The following ANKRD42 variants were observed in gnomAD, a reference collection of about 807,000 sequenced individuals.
ANKRD42 encodes the protein ankyrin repeat domain 42, also known as ankyrin repeat domain-containing protein 42.
Under a neutral mutation model 51.5 loss-of-function variants are expected in ANKRD42, and 43 were observed. The observed-to-expected ratio is 0.83, with a 90% confidence interval of 0.65 to 1.08. The LOEUF (loss-of-function observed/expected upper bound fraction) is 1.08, where lower values mean the gene tolerates loss of function less well. ANKRD42 is among the 50% of genes least tolerant of loss of function. The pLI is 0.00. For synonymous variants in ANKRD42, 203 were observed against 213.0 expected, an observed-to-expected ratio of 0.95 and a Z score of 0.41; for missense variants, 608 against 629.3, an observed-to-expected ratio of 0.97 and a Z score of 0.36.
At chr11:83,232,514 A>G (rs555654843) in intron 7 of ANKRD42, among the ~76,000 whole-genome samples, 2 of 152,290 alleles carry the variant, frequency 1.3e-5, no homozygotes, top group Admixed American at 1.3e-4. Context: ...AGGTTTTTCC[A>G]AATATAAGAT....
At chr11:83,252,300 G>C (rs1863688740), downstream of ANKRD42, among the ~76,000 whole-genome samples, 1 of 152,198 alleles carries the variant, frequency 6.6e-6, no homozygotes, top group African/African-American at 2.4e-5. Context: ...ATACACCAGT[G>C]GTGGCAGTGT....
chr11:83,244,741 A>G (rs534839310), intron 9 of ANKRD42, among the ~76,000 whole-genome samples: 2 of 152,358 alleles, frequency 1.3e-5, no homozygotes, highest in East Asian at 3.9e-4. Flanking sequence ...ATATCTCTCA[A>G]TGTACTTCCT....
At position 83,220,397 on chromosome 11, in the gene ANKRD42, T is replaced by C. The variant is rs116474716; in HGVS notation, c.587-4458T>C. On this transcript the variant is annotated intron_variant, in intron 5 of 10. Coordinates refer to ENST00000533342, the MANE Select transcript of ANKRD42 (RefSeq NM_001300975.2). ...AGAATAGCAAGTGAAAGAGGTCCGA[T>C]TGTATTCACCACGTGACGATCTAGA... Among the ~76,000 whole-genome samples, 304 of 152,248 alleles carry C rather than the reference T, an allele frequency of 2.0e-3. 4 individuals are homozygous for C. Among genetic ancestry groups the C allele is most frequent in the African/African-American group, 7.1e-3 (296 of 41,524 alleles).
chr11:83,230,704 A>G (rs1438846809), intron 7 of ANKRD42, among the ~76,000 whole-genome samples: 1 of 152,000 alleles, frequency 6.6e-6, no homozygotes, highest in Non-Finnish European at 1.5e-5. Context: ...CTCCTGCCTC[A>G]GCCTCCCGAG....
At chr11:83,209,370 G>A (rs949460414) in intron 3 of ANKRD42, 20 of 1,523,204 alleles carry the variant, frequency 1.3e-5, no homozygotes, top group African/African-American at 9.6e-5. Flanking sequence ...TTGGCAGCGC[G>A]GGGCTGCAGG....
At chr11:83,205,949 G>T in intron 2 of ANKRD42, 109 bp from the exon 3 acceptor site, 1 of 846,042 alleles carries the variant, frequency 1.2e-6, no homozygotes, top group Non-Finnish European at 1.8e-6. Context: ...CTTATACATG[G>T]ATCTCTCATT....
At position 83,193,738 on chromosome 11, in the gene ANKRD42, T is replaced by A. The variant is rs542384835; in HGVS notation, c.-933T>A. ...CTCGTTTCCAAGGCGACGGCCCTGC[T>A]GCCTCTCCAGCCAAGTGGCTGGAGT... is the stretch of plus-strand genomic sequence containing the variant. On this transcript the variant is annotated 5_prime_UTR_variant, in exon 1 of 11. Coordinates refer to ENST00000533342, the MANE Select transcript of ANKRD42 (RefSeq NM_001300975.2). The A allele has an allele frequency of 2.4e-6, 1 of 418,282 alleles. No individual in the cohort carries two copies. Among genetic ancestry groups the A allele is most frequent in the Non-Finnish European group, 4.8e-6 (1 of 209,130 alleles). The allele number at this position is 418,282 out of a possible 1,614,324, so 25.9% of individuals were successfully genotyped here.
intron 9 of ANKRD42, 124 bp from the exon 10 acceptor site, chr11:83,245,374 A>G (rs924256192): frequency 7.8e-6 from 8 of 1,020,856 alleles, no homozygotes; most frequent in Admixed American, 5.8e-5. Context: ...ACCTTCCTCC[A>G]CCCCCCTCTC....
rs533997731 is a variant in ANKRD42, at chr11:83,227,560, G to C, written c.788-187G>C. Among the ~76,000 whole-genome samples the C allele has an allele frequency of 1.4e-4, 21 of 152,308 alleles. No individual in the cohort carries two copies. In the East Asian group the frequency reaches 3.5e-3, roughly 25 times the overall value. On this transcript the variant is annotated intron_variant, in intron 6 of 10. Coordinates refer to ENST00000533342, the MANE Select transcript of ANKRD42 (RefSeq NM_001300975.2). Reference sequence around the variant, plus strand: ...ATGTTTGAAGTCCTGAGGGTAAAAGGAGTAGAATGATTAGTAATAATCTCA... The same window carrying C: ...ATGTTTGAAGTCCTGAGGGTAAAAGCAGTAGAATGATTAGTAATAATCTCA...
chr11:83,256,872 C>G (rs1020741653), downstream of ANKRD42, among the ~76,000 whole-genome samples: 3 of 152,044 alleles, frequency 2.0e-5, no homozygotes, highest in Non-Finnish European at 4.4e-5. Flanking sequence ...CAAGGTTAAT[C>G]CCAGCTCTGC....
chr11:83,246,267 A>G (rs1863539867), intron 10 of ANKRD42, among the ~76,000 whole-genome samples: 1 of 152,242 alleles, frequency 6.6e-6, no homozygotes, highest in South Asian at 2.1e-4. Flanking sequence ...ATAATATGCT[A>G]CAACAACTTA....
At chr11:83,228,680 T>G (rs113455219) in intron 7 of ANKRD42, among the ~76,000 whole-genome samples, 19 of 152,206 alleles carry the variant, frequency 1.2e-4, no homozygotes, top group African/African-American at 4.6e-4. Context: ...TTAGCTTACT[T>G]TGTTTAATCC....
chr11:83,236,380 G>A (rs1452886166), intron 7 of ANKRD42, 24 bp from the exon 8 acceptor site: 1 of 1,571,276 alleles, frequency 6.4e-7, no homozygotes, highest in Non-Finnish European at 8.6e-7. Context: ...TGTAATTCCT[G>A]TTCTTTTTCC....
intron 9 of ANKRD42, among the ~76,000 whole-genome samples, chr11:83,244,969 G>T (rs1246352748): frequency 6.6e-6 from 1 of 151,980 alleles, no homozygotes; most frequent in South Asian, 2.1e-4. Context: ...CAGTGATGTG[G>T]TCTCGGCTCA....
At position 83,194,076 on chromosome 11, in the gene ANKRD42, G is replaced by C. The variant is rs1590951722; in HGVS notation, c.-595G>C. On this transcript the variant is annotated 5_prime_UTR_variant, in exon 1 of 11. Transcript: ENST00000533342. ...GCCACTGCCGCAGCGTCTCTAGGGA[G>C]AGAGTTAGGGGAGATAGTGGCCACA... 1 of 456,412 alleles carries C rather than the reference G, an allele frequency of 2.2e-6. No homozygotes were observed. The highest frequency in any genetic ancestry group is 2.0e-5 in the African/African-American group (1 of 50,086). The allele number at this position is 456,412 out of a possible 1,614,324, so 28.3% of individuals were successfully genotyped here. A position where few individuals can be genotyped will look rare whatever the true frequency, so the allele number is the denominator to read the frequency against.
At chr11:83,226,224 C>G (rs1287314085) in intron 6 of ANKRD42, among the ~76,000 whole-genome samples, 1 of 151,912 alleles carries the variant, frequency 6.6e-6, no homozygotes, top group African/African-American at 2.4e-5. Context: ...CACACACACA[C>G]ACATACACAC....
At chr11:83,253,559 G>C (rs1252335252), downstream of ANKRD42, among the ~76,000 whole-genome samples, 3 of 152,092 alleles carry the variant, frequency 2.0e-5, no homozygotes, top group Non-Finnish European at 4.4e-5. Flanking sequence ...AAGGATTTTT[G>C]TCTAATTTTG....
In ANKRD42 at chr11:83,212,855, A is replaced by G. The variant is rs1862378013; in HGVS notation, c.586+1425A>G. 5 of 1,426,488 alleles carry G rather than the reference A, an allele frequency of 3.5e-6. No individual in the cohort carries two copies. The African/African-American group carries it at 5.8e-5, about 17-fold the overall frequency. The allele number at this position is 1,426,488 out of a possible 1,614,324, so 88.4% of individuals were successfully genotyped here. The stretch of plus-strand genomic sequence containing the variant: ...GTATGAACTCTTTCAATTTTTGTGT[A>G]TCTGAAAATTTATTTTGTTCTCATT... On this transcript the variant is annotated intron_variant, in intron 5 of 10. Coordinates refer to ENST00000533342, the MANE Select transcript of ANKRD42 (RefSeq NM_001300975.2).
At chr11:83,195,867 C>G (rs1437903230) in intron 1 of ANKRD42, among the ~76,000 whole-genome samples, 2 of 139,032 alleles carry the variant, frequency 1.4e-5, no homozygotes, top group South Asian at 4.5e-4. Context: ...TTTTTGGAGA[C>G]GGAGTCTTGC....
Sources: gnomAD v4.1 joint callset for allele counts (sites outside exome capture counted in the v4.1 genomes callset) on GRCh38, gnomAD v4.1.1 for gene constraint, MANE v1.5 for transcripts, NCBI Gene and HGNC (gene_info 2026-07-23, HGNC 2026-07-21) for gene names.